The following SATL1 variants were observed in gnomAD, a reference collection of about 807,000 sequenced individuals.
SATL1 encodes the protein spermidine/spermine N(1)-acetyltransferase-like protein 1.
A neutral mutation model predicts 51.8 loss-of-function variants in SATL1; 47 were observed. The observed-to-expected ratio is 0.91, with a 90% confidence interval of 0.72 to 1.16. The LOEUF (loss-of-function observed/expected upper bound fraction) is 1.16. Among genes scored for constraint, SATL1 ranks in the 50% most tolerant of loss-of-function variants. The probability of loss-of-function intolerance (pLI) is 0.00; values close to 1 mark genes in which losing one functional copy is unlikely to be tolerated. For missense variants in SATL1, 520 were observed against 526.4 expected, an observed-to-expected ratio of 0.99 and a Z score of 0.12; for synonymous variants, 176 against 182.4, an observed-to-expected ratio of 0.97 and a Z score of 0.28.
At chrX:85,127,703 T>G (rs1038846270) in intron 2 of SATL1, among the ~76,000 whole-genome samples, 16 of 111,390 alleles carry the variant, frequency 1.4e-4, no homozygotes, top group African/African-American at 5.2e-4. Context: ...CATGCAGGTG[T>G]GTTACTTATG....
At chrX:85,094,833 A>G (rs1047363571) in intron 5 of SATL1, 83 bp downstream of exon 5, 5 of 612,833 alleles carry the variant, frequency 8.2e-6, no homozygotes, top group South Asian at 2.7e-5. Context: ...CTTAATAGTA[A>G]TTATATGCTA....
In SATL1 at chrX:85,094,186, G is replaced by T. The variant is rs1472575298; in HGVS notation, c.1818C>A (p.Asp606Glu). 1 of 1,199,424 alleles carries T rather than the reference G, an allele frequency of 8.3e-7. No homozygotes were observed. The highest frequency in any genetic ancestry group is 3.0e-5 in the East Asian group (1 of 33,761). The change falls in exon 6 of 8, where the codon GAC becomes GAA. Residue 606 changes from aspartate to glutamate, a missense_variant. Around this residue, in one of 3 missense-constraint regions of SATL1, gnomAD observed 488 missense variants for 474.3 expected, o/e 1.03. Transcript: ENST00000644105. ...VGFAMYYFTY[D>E]SWTGKVLYLE... ...GGTAAAGTACCTTGCCAGTCCATGA[G>T]TCGTATGTAAAGTAGTACATGGCAA...
chrX:85,131,055 C>T (rs895259686), intron 2 of SATL1, among the ~76,000 whole-genome samples: 3 of 111,709 alleles, frequency 2.7e-5, no homozygotes, highest in Admixed American at 9.5e-5. Context: ...CTGAGGAGTG[C>T]TTTACTTCCA....
chrX:85,130,041 G>A (rs1008175025), intron 2 of SATL1, among the ~76,000 whole-genome samples: 7 of 111,745 alleles, frequency 6.3e-5, no homozygotes, highest in South Asian at 3.7e-4. Context: ...TGCTGAATTC[G>A]TTTTGCCAGC....
Position 85,147,366 on chromosome X carries a change from C to A in SATL1, c.-312-38086G>T, listed in dbSNP as rs779413331. ...CCACAGCTCAAGGAGGCCTGCCTGA[C>A]TCTGTAGGCTCCACCTCTGGGGGCA... On this transcript the variant is annotated intron_variant, in intron 2 of 7. Coordinates refer to ENST00000644105, the MANE Select transcript of SATL1 (RefSeq NM_001367857.2). Among the ~76,000 whole-genome samples the A allele has an allele frequency of 1.4e-4, 16 of 113,088 alleles. 1 individual carries two copies. In the South Asian group the frequency reaches 5.4e-3, roughly 38 times the overall value.
rs184213800 is a variant in SATL1 at position 85,131,094 on chromosome X, G to A, written c.-312-21814C>T. Reference sequence around the variant, plus strand: ...ATGTGGTCAATTTTGGAATAAGTGTGATGTGGTGCTGAGAAGAATGTATAT... The same window carrying A: ...ATGTGGTCAATTTTGGAATAAGTGTAATGTGGTGCTGAGAAGAATGTATAT... On this transcript the variant is annotated intron_variant, in intron 2 of 7. Transcript: ENST00000644105. 1.4e-4 allele frequency among the ~76,000 whole-genome samples: 16 copies of A among 111,940 alleles called. No individual in the cohort carries two copies. In the East Asian group the frequency reaches 4.2e-3, roughly 29 times the overall value.
intron 4 of SATL1, among the ~76,000 whole-genome samples, chrX:85,100,122 C>T (rs1924855294): frequency 8.9e-6 from 1 of 112,290 alleles, no homozygotes; most frequent in Non-Finnish European, 1.9e-5. Context: ...AGGAGAATTG[C>T]TTTAACCTGG....
chrX:85,157,913 T>C (rs987534452), intron 2 of SATL1, among the ~76,000 whole-genome samples: 29 of 111,748 alleles, frequency 2.6e-4, no homozygotes, highest in African/African-American at 9.4e-4. Context: ...CTCTTTCAGA[T>C]TGTTTCCCAA....
intron 2 of SATL1, among the ~76,000 whole-genome samples, chrX:85,191,196 C>A (rs1455320621): frequency 9.0e-6 from 1 of 111,216 alleles, no homozygotes; most frequent in Non-Finnish European, 1.9e-5. Flanking sequence ...AATACTTCTA[C>A]ACACATAATA....
chrX:85,217,226 A>T (rs1182014668), intron 2 of SATL1, among the ~76,000 whole-genome samples: 1 of 111,452 alleles, frequency 9.0e-6, no homozygotes, highest in African/African-American at 3.3e-5. Context: ...AGAGAGAATG[A>T]CAAGGGTGAT....
intron 2 of SATL1, among the ~76,000 whole-genome samples, chrX:85,185,692 G>T (rs1216973321): frequency 9.0e-6 from 1 of 110,944 alleles, no homozygotes; most frequent in Non-Finnish European, 1.9e-5. Context: ...TTTAGTAAAC[G>T]CTGTCAAGCC....
chrX:85,202,040 T>C (rs768278261), intron 2 of SATL1, among the ~76,000 whole-genome samples: 1 of 112,114 alleles, frequency 8.9e-6, no homozygotes, highest in Non-Finnish European at 1.9e-5. Context: ...GAATCGCCAC[T>C]ACTTTCCACA....
intron 2 of SATL1, among the ~76,000 whole-genome samples, chrX:85,218,403 C>G (rs1255970879): frequency 9.0e-6 from 1 of 111,505 alleles, no homozygotes; most frequent in Non-Finnish European, 1.9e-5. Flanking sequence ...CTTATGGTCC[C>G]TGGAATAGAA....
intron 2 of SATL1, among the ~76,000 whole-genome samples, chrX:85,140,368 G>C (rs1228393636): frequency 8.9e-6 from 1 of 111,813 alleles, no homozygotes; most frequent in Non-Finnish European, 1.9e-5. Flanking sequence ...AACCCTAAGA[G>C]GGTGGTATTA....
In SATL1 at chrX:85,238,046, AAGAC is replaced by A. The variant is rs772980501; in HGVS notation, c.-435+5538_-435+5541del. Reference sequence around the variant, plus strand: ...CCCAGAAAAAATGGATTTTATCCAAAAGACAGGCAATAACAAATGCTGGTGAGTA... The same window carrying A: ...CCCAGAAAAAATGGATTTTATCCAAAAGGCAATAACAAATGCTGGTGAGTA... On this transcript the variant is annotated intron_variant, in intron 1 of 7. Transcript: ENST00000644105. 7.9e-4 allele frequency among the ~76,000 whole-genome samples: 88 copies of A among 111,634 alleles called. 1 individual carries two copies. The East Asian group carries it at 0.015, about 19-fold the overall frequency.
Position 85,126,248 on chromosome X carries a change from T to G in SATL1, c.-312-16968A>C, listed in dbSNP as rs145890531. On this transcript the variant is annotated intron_variant, in intron 2 of 7. Transcript: ENST00000644105. ...TTAGATTACTGCAACAGCTTCTCAT[T>G]TGGTCTCCCTAGCTTCAGCCTTTCC... Among the ~76,000 whole-genome samples the G allele has an allele frequency of 7.0e-3, 781 of 111,417 alleles. 10 individuals carry two copies. Among genetic ancestry groups the G allele is most frequent in the African/African-American group, 0.024 (743 of 30,732 alleles).
chrX:85,130,131 G>A, intron 2 of SATL1, among the ~76,000 whole-genome samples: 1 of 111,590 alleles, frequency 9.0e-6, no homozygotes, highest in African/African-American at 3.3e-5. Context: ...TCTCTGCCAG[G>A]CTTTGGAATC....
chrX:85,167,485 A>G (rs1223514679), intron 2 of SATL1, among the ~76,000 whole-genome samples: 1 of 111,673 alleles, frequency 9.0e-6, no homozygotes, highest in Non-Finnish European at 1.9e-5. Context: ...TATACAAATA[A>G]CCATCAGAAA....
intron 2 of SATL1, among the ~76,000 whole-genome samples, chrX:85,199,573 A>G (rs1257283469): frequency 8.9e-6 from 1 of 112,289 alleles, no homozygotes; most frequent in African/African-American, 3.2e-5. Flanking sequence ...GTACCTATAC[A>G]CAATGAAGTA....
Sources: allele counts gnomAD v4.1 joint callset (sites outside exome capture counted in the v4.1 genomes callset), GRCh38; gene constraint gnomAD v4.1.1; regional missense constraint gnomAD v4.1.1; transcripts MANE v1.5; gene names NCBI Gene and HGNC (gene_info 2026-07-23, HGNC 2026-07-21).